GRID2: variants seen among roughly 807,000 people sequenced by gnomAD.
GRID2 encodes the protein glutamate ionotropic receptor delta type subunit 2.
In GRID2, 33 loss-of-function variants were observed where a neutral mutation model predicts 114.8. That is an observed-to-expected ratio of 0.29 (90% CI 0.22 to 0.38). The LOEUF is 0.38. GRID2 is among the 10% of genes least tolerant of loss of function. The pLI, the probability that GRID2 is intolerant of heterozygous loss-of-function variation, is 1.00. For missense variants in GRID2, 1,184 were observed against 1,257.7 expected (o/e 0.94, Z 0.89); for synonymous variants, 505 against 449.9 (o/e 1.12, Z -1.55).
At chr4:92,997,278 A>G (rs550720213) in intron 2 of GRID2, among the ~76,000 whole-genome samples, 4 of 152,182 alleles carry the variant, frequency 2.6e-5, no homozygotes, top group Non-Finnish European at 5.9e-5. Flanking sequence ...TCTACTCATA[A>G]TGTGTGAGCT....
intron 14 of GRID2, among the ~76,000 whole-genome samples, chr4:93,632,244 G>T (rs1014825915): frequency 6.6e-6 from 1 of 152,076 alleles, no homozygotes; most frequent in South Asian, 2.1e-4. Context: ...GTCAGTTTTG[G>T]CTTTTGTTGC....
chr4:92,530,009 G>A (rs11944800), intron 1 of GRID2, among the ~76,000 whole-genome samples: 66,592 of 151,394 alleles, frequency 0.44, 14,793 homozygotes, highest in Middle Eastern at 0.56. Flanking sequence ...TGTATAGAGT[G>A]TGAAGAAAGA....
At chr4:93,793,509 G>C (rs990817881) in intron 1 of GRID2, among the ~76,000 whole-genome samples, 1 of 152,120 alleles carries the variant, frequency 6.6e-6, no homozygotes. Flanking sequence ...TTAAACGACA[G>C]ATCATATTTT....
rs1394927186 is a variant in GRID2 at position 93,611,220 on chromosome 4, T to C, written c.2194-15049T>C. Among the ~76,000 whole-genome samples the C allele has an allele frequency of 1.3e-3, 138 of 102,246 alleles. 9 individuals carry two copies. The highest frequency in any genetic ancestry group is 4.8e-3 in the African/African-American group (113 of 23,562). 67.1% of individuals were successfully genotyped at this position (102,246 alleles called of 152,430 possible). On this transcript the variant is annotated intron_variant, in intron 13 of 15. Transcript: ENST00000282020. ...TCTTCTCTCTTTTTTTCTTTATTAG[T>C]CTTGCTAGCGGTCTATCAATTTTGT...
chr4:92,587,379 T>C (rs1232323723), intron 1 of GRID2, among the ~76,000 whole-genome samples: 1 of 152,034 alleles, frequency 6.6e-6, no homozygotes. Context: ...TGTATATTAA[T>C]ACAAAGAATA....
chr4:92,714,947 C>T (rs1248852783), intron 2 of GRID2, among the ~76,000 whole-genome samples: 4 of 152,222 alleles, frequency 2.6e-5, no homozygotes, highest in Non-Finnish European at 4.4e-5. Flanking sequence ...CATTTGGCTC[C>T]TAGTTACTTA....
intron 2 of GRID2, among the ~76,000 whole-genome samples, chr4:93,051,816 A>G (rs894312207): frequency 6.6e-6 from 1 of 151,986 alleles, no homozygotes; most frequent in Non-Finnish European, 1.5e-5. Context: ...AAAGAGCAAG[A>G]GAGAATGTGG....
At chr4:93,225,200 A>T (rs1745351984) in intron 7 of GRID2, among the ~76,000 whole-genome samples, 1 of 152,236 alleles carries the variant, frequency 6.6e-6, no homozygotes, top group African/African-American at 2.4e-5. Context: ...AATTTATCTC[A>T]TGATAAGGAT....
chr4:92,719,068 C>T (rs187954849), intron 2 of GRID2, among the ~76,000 whole-genome samples: 44 of 152,042 alleles, frequency 2.9e-4, no homozygotes, highest in African/African-American at 1.0e-3. Context: ...CTCACTTCAA[C>T]CTCTGCCTTC....
rs568512476 is a variant in GRID2, at chr4:92,530,912, G to C, written c.89-59219G>C. ...ACAGAGTGAGACTCCATCTTGGCGG[G>C]GGGGGAGAAAGAGGTCTTTAAAACA... On this transcript the variant is annotated intron_variant, in intron 1 of 15. Coordinates refer to ENST00000282020, the MANE Select transcript of GRID2 (RefSeq NM_001510.4). Among the ~76,000 whole-genome samples the C allele has an allele frequency of 1.9e-3, 288 of 151,706 alleles. 1 individual carries two copies. Among genetic ancestry groups the C allele is most frequent in the African/African-American group, 6.3e-3 (260 of 41,370 alleles).
chr4:92,578,045 T>TTCTTCC (rs1479502610), intron 1 of GRID2, among the ~76,000 whole-genome samples: 9 of 9,220 alleles, frequency 9.8e-4, no homozygotes, highest in Non-Finnish European at 2.1e-3. Context: ...ACTTAGTTTC[T>TTCTTCC]TCTTCTTCTT....
intron 10 of GRID2, among the ~76,000 whole-genome samples, chr4:93,432,540 A>G (rs942306369): frequency 1.3e-5 from 2 of 152,198 alleles, no homozygotes; most frequent in African/African-American, 4.8e-5. Flanking sequence ...CTTGAGGTTC[A>G]TGGCAGAGTG....
At chr4:92,606,322 C>T (rs1462762575) in intron 2 of GRID2, among the ~76,000 whole-genome samples, 2 of 151,582 alleles carry the variant, frequency 1.3e-5, no homozygotes, top group Non-Finnish European at 2.9e-5. Context: ...AGTTACTATT[C>T]TTATTAGCGT....
chr4:93,744,068 G>A (rs1449550610), intron 14 of GRID2, among the ~76,000 whole-genome samples: 1 of 152,148 alleles, frequency 6.6e-6, no homozygotes, highest in Non-Finnish European at 1.5e-5. Context: ...TTATAGCTTG[G>A]TTTATAACAC....
At chr4:93,443,476 C>G (rs923169385) in intron 10 of GRID2, among the ~76,000 whole-genome samples, 2 of 151,864 alleles carry the variant, frequency 1.3e-5, no homozygotes, top group African/African-American at 4.8e-5. Context: ...AGAGATTATA[C>G]AGAAACCATA....
intron 4 of GRID2, among the ~76,000 whole-genome samples, chr4:93,181,036 C>A (rs1156938789): frequency 1.3e-5 from 2 of 152,140 alleles, no homozygotes; most frequent in Non-Finnish European, 2.9e-5. Flanking sequence ...TCAATTTACT[C>A]TGCCCAAATA....
intron 1 of GRID2, among the ~76,000 whole-genome samples, chr4:92,344,216 G>A (rs1727652951): frequency 6.6e-6 from 1 of 152,186 alleles, no homozygotes; most frequent in African/African-American, 2.4e-5. Context: ...ATTTTCTGTA[G>A]GCATGCCATC....
intron 3 of GRID2, among the ~76,000 whole-genome samples, chr4:93,099,326 A>G (rs1731502376): frequency 6.6e-6 from 1 of 151,558 alleles, no homozygotes; most frequent in Non-Finnish European, 1.5e-5. Flanking sequence ...AGTTTAGTTT[A>G]TATTTATTTG....
At chr4:93,551,321 G>A (rs997758827) in intron 13 of GRID2, among the ~76,000 whole-genome samples, 90 of 152,256 alleles carry the variant, frequency 5.9e-4, no homozygotes, top group African/African-American at 2.0e-3. Flanking sequence ...TAGATATGTA[G>A]GTGTAAGAAG....
Sources: gnomAD v4.1 joint callset for allele counts (sites outside exome capture counted in the v4.1 genomes callset) on GRCh38, gnomAD v4.1.1 for gene constraint, MANE v1.5 for transcripts, NCBI Gene and HGNC (gene_info 2026-07-23, HGNC 2026-07-21) for gene names.